IL16: variants seen among roughly 807,000 people sequenced by gnomAD.
IL16 encodes the protein interleukin 16.
A neutral mutation model predicts 110.1 loss-of-function variants in IL16; 67 were observed. The observed-to-expected ratio is 0.61, with a 90% CI of 0.50 to 0.75. IL16 has a LOEUF of 0.75. IL16 is among the 30% of genes least tolerant of loss of function. The pLI, the probability that IL16 is intolerant of heterozygous loss-of-function variation, is 0.00. For synonymous variants in IL16, 689 were observed against 662.9 expected (o/e 1.04, Z -0.61); for missense variants, 1,545 against 1,655.0 (o/e 0.93, Z 1.15).
At chr15:81,293,112 T>A in intron 12 of IL16, 75 bp downstream of exon 12, 2 of 1,477,964 alleles carry the variant, frequency 1.4e-6, no homozygotes, top group Non-Finnish European at 1.8e-6. Context: ...ATTAGCAAGT[T>A]AGTGTTAGCA....
intron 2 of IL16, among the ~76,000 whole-genome samples, chr15:81,253,758 T>C (rs894499549): frequency 6.6e-6 from 1 of 152,234 alleles, no homozygotes; most frequent in Admixed American, 6.5e-5. Context: ...ATTGTATTAA[T>C]AATAGTCCAA....
At chr15:81,231,320 GTCTGTCTCTCTC>G (rs1896965803) in intron 2 of IL16, among the ~76,000 whole-genome samples, 7 of 50,926 alleles carry the variant, frequency 1.4e-4, no homozygotes, top group Admixed American at 6.0e-4. Context: ...CCCAAGGTCG[GTCTGTCTCTCTC>G]TCTCTCTCTC....
intron 1 of IL16, among the ~76,000 whole-genome samples, chr15:81,206,972 G>T (rs1192000402): frequency 6.6e-6 from 1 of 152,082 alleles, no homozygotes; most frequent in Non-Finnish European, 1.5e-5. Context: ...GGTGGCTCAT[G>T]CCTGTAATCC....
chr15:81,313,337 G>T lies in IL16; in HGVS notation c.*4539G>T. On this transcript the variant is annotated 3_prime_UTR_variant, in exon 19 of 19. Coordinates refer to ENST00000683961, the MANE Select transcript of IL16 (RefSeq NM_172217.5). ...TGCGGGGGAAGAAGGAGTCCACCACGTTCTGTGGGAGGTAACCGCTGAGGT... is the reference window on the plus strand; with the variant it reads ...TGCGGGGGAAGAAGGAGTCCACCACTTTCTGTGGGAGGTAACCGCTGAGGT... 6.3e-7 allele frequency: 1 copy of T among 1,579,166 alleles called. No homozygotes were observed. Among genetic ancestry groups the T allele is most frequent in the Non-Finnish European group, 8.6e-7 (1 of 1,163,084 alleles).
intron 3 of IL16, among the ~76,000 whole-genome samples, chr15:81,260,251 T>A (rs1898102279): frequency 6.6e-6 from 1 of 152,148 alleles, no homozygotes; most frequent in Admixed American, 6.5e-5. Context: ...AGATGGCTAG[T>A]ACAAAGTCAA....
chr15:81,190,691 G>A (rs1172648162), intron 1 of IL16, among the ~76,000 whole-genome samples: 1 of 152,142 alleles, frequency 6.6e-6, no homozygotes, highest in Non-Finnish European at 1.5e-5. Context: ...GGAAGTTGAG[G>A]GGCCAAAGAA....
At chr15:81,284,187 T>C (rs1172698502) in intron 9 of IL16, among the ~76,000 whole-genome samples, 4 of 152,202 alleles carry the variant, frequency 2.6e-5, no homozygotes, top group Admixed American at 2.6e-4. Context: ...TTATCCTATT[T>C]AATTTGTTAC....
At chr15:81,269,930 G>A (rs1372657451) in intron 5 of IL16, among the ~76,000 whole-genome samples, 1 of 152,222 alleles carries the variant, frequency 6.6e-6, no homozygotes, top group Non-Finnish European at 1.5e-5. Flanking sequence ...TCCTGGCACA[G>A]TAGTTTCCAG....
At chr15:81,295,885 T>C (rs984765455) in intron 12 of IL16, among the ~76,000 whole-genome samples, 4 of 152,206 alleles carry the variant, frequency 2.6e-5, no homozygotes. Context: ...TCCTCTTTCC[T>C]TCCTCTCTGG....
In IL16 at chr15:81,255,228, T is replaced by A. The variant is rs149736267; in HGVS notation, c.313-4544T>A. ...CCTTTAGGAGTCATATGGCTTTATATGTGTTTCATAGGAAATTGCTACTTA... is the reference window on the plus strand; with the variant it reads ...CCTTTAGGAGTCATATGGCTTTATAAGTGTTTCATAGGAAATTGCTACTTA... On this transcript the variant is annotated intron_variant, in intron 2 of 18. Transcript: ENST00000683961. 7.7e-3 allele frequency among the ~76,000 whole-genome samples: 1,172 copies of A among 152,336 alleles called. 19 individuals are homozygous for A. Among genetic ancestry groups the A allele is most frequent in the African/African-American group, 0.026 (1,095 of 41,576 alleles).
chr15:81,226,465 A>G (rs950070), intron 2 of IL16, among the ~76,000 whole-genome samples: 12,928 of 152,272 alleles, frequency 0.085, 560 homozygotes, highest in Middle Eastern at 0.1. Flanking sequence ...AAACCATGGG[A>G]TCAGTGCTGC....
At chr15:81,235,524 C>T (rs965644476) in intron 2 of IL16, among the ~76,000 whole-genome samples, 6 of 152,172 alleles carry the variant, frequency 3.9e-5, no homozygotes, top group Admixed American at 2.6e-4. Context: ...CCACTAGGCC[C>T]CCCCTCCAAC....
chr15:81,292,242 G>C (rs1315788927), intron 11 of IL16: 1 of 412,644 alleles, frequency 2.4e-6, no homozygotes, highest in Admixed American at 3.5e-5. Flanking sequence ...GGGACCCACA[G>C]CTGAAAGTAG....
Position 81,299,627 on chromosome 15 carries a change from TC to T in IL16, c.2304del (p.Val770PhefsTer10), listed in dbSNP as rs865919999. ...CAAAGCTGGACACCGCCAATGGCAC[TC>T]CCAAAGTTTACAAGTCAGCAGACAG... ...PPKLDTANGTPKVYKSADSST... is the reference protein window; with the variant it reads ...PPKLDTANGTXKVYKSADSST... On this transcript the variant is annotated frameshift_variant, in exon 14 of 19. Transcript: ENST00000683961. LOFTEE classifies it high-confidence loss of function. 6.2e-7 allele frequency: 1 copy of T among 1,613,906 alleles called. No individual in the cohort carries two copies. The highest frequency in any genetic ancestry group is 1.3e-5 in the African/African-American group (1 of 74,856).
At chr15:81,190,073 A>G (rs1011835157) in intron 1 of IL16, among the ~76,000 whole-genome samples, 23 of 152,160 alleles carry the variant, frequency 1.5e-4, no homozygotes, top group Admixed American at 1.4e-3. Context: ...GGCATCTCGG[A>G]CATTCTGTGA....
In IL16 at chr15:81,313,117, T is replaced by G; in HGVS notation, c.*4319T>G. On this transcript the variant is annotated 3_prime_UTR_variant, in exon 19 of 19. Coordinates refer to ENST00000683961, the MANE Select transcript of IL16 (RefSeq NM_172217.5). ...GGTGGGCTGCCGCCTCTGGTTGGCA[T>G]TCTCAGAGATGCGCAGTCCATCAGC... 9.3e-7 allele frequency: 1 copy of G among 1,071,396 alleles called. No homozygotes were observed. Among genetic ancestry groups the G allele is most frequent in the Non-Finnish European group, 1.3e-6 (1 of 792,998 alleles). The allele number at this position is 1,071,396 out of a possible 1,614,324, so 66.4% of individuals were successfully genotyped here. A position where few individuals can be genotyped will look rare whatever the true frequency, so the allele number is the denominator to read the frequency against.
intron 1 of IL16, among the ~76,000 whole-genome samples, chr15:81,189,249 G>A (rs368213059): frequency 1.8e-4 from 27 of 150,940 alleles, no homozygotes; most frequent in South Asian, 1.7e-3. Context: ...TCAGCCTCCC[G>A]AGTAGCTGGG....
intron 1 of IL16, among the ~76,000 whole-genome samples, chr15:81,197,393 G>T (rs901929921): frequency 6.6e-6 from 1 of 152,190 alleles, no homozygotes; most frequent in African/African-American, 2.4e-5. Context: ...AGCGGGCAGA[G>T]GGATATCGCT....
chr15:81,238,829 T>TTG (rs926734255), intron 2 of IL16, among the ~76,000 whole-genome samples: 1 of 147,978 alleles, frequency 6.8e-6, no homozygotes, highest in African/African-American at 2.5e-5. Flanking sequence ...TTCTTTTAGT[T>TTG]TTTTTTTTTT....
Sources: gnomAD v4.1 joint callset for allele counts (sites outside exome capture counted in the v4.1 genomes callset) on GRCh38, gnomAD v4.1.1 for gene constraint, MANE v1.5 for transcripts, NCBI Gene and HGNC (gene_info 2026-07-23, HGNC 2026-07-21) for gene names.